Variants in TRIM35 observed in about 807,000 individuals in gnomAD.
The protein encoded by TRIM35 is tripartite motif containing 35.
Under a neutral mutation model 49.1 loss-of-function variants are expected in TRIM35, and 37 were observed. The ratio of observed to expected loss-of-function variants is 0.75; its 90% CI spans 0.58 to 0.99. TRIM35 has a LOEUF of 0.99. TRIM35 is among the 50% of genes least tolerant of loss of function. The probability of loss-of-function intolerance (pLI) is 0.00; values close to 1 mark genes in which losing one functional copy is unlikely to be tolerated. For missense variants in TRIM35, 648 were observed against 702.7 expected (o/e 0.92, Z 0.88); for synonymous variants, 302 against 289.3 (o/e 1.04, Z -0.45).
Position 27,286,858 on chromosome 8 carries a change from T to C in TRIM35, c.*692A>G, listed in dbSNP as rs574801244. On this transcript the variant is annotated 3_prime_UTR_variant, in exon 6 of 6. Coordinates refer to ENST00000305364, the MANE Select transcript of TRIM35 (RefSeq NM_171982.5). ...ATGGAAACCAACTAATCCGGAGCGATGGCGCCAGCTGCCTCCTTCACATGG... is the reference window on the plus strand; with the variant it reads ...ATGGAAACCAACTAATCCGGAGCGACGGCGCCAGCTGCCTCCTTCACATGG... 6.5e-6 allele frequency: 1 copy of C among 152,788 alleles called. No individual in the cohort carries two copies. Among genetic ancestry groups the C allele is most frequent in the Admixed American group, 6.5e-5 (1 of 15,326 alleles). 9.5% of individuals were successfully genotyped at this position (152,788 alleles called of 1,614,324 possible).
chr8:27,289,059 A>C (rs888669605), intron 5 of TRIM35, 103 bp downstream of exon 5: 3 of 831,654 alleles, frequency 3.6e-6, no homozygotes, highest in Non-Finnish European at 5.9e-6. Context: ...GGGAGCTCTG[A>C]GGAGGTGGGA....
At chr8:27,305,631 C>T (rs1178327263) in intron 1 of TRIM35, among the ~76,000 whole-genome samples, 3 of 152,142 alleles carry the variant, frequency 2.0e-5, no homozygotes, top group Non-Finnish European at 4.4e-5. Flanking sequence ...CAGATGGACT[C>T]TAAGATGTTG....
At chr8:27,300,123 A>G (rs1586051275) in intron 1 of TRIM35, among the ~76,000 whole-genome samples, 1 of 152,096 alleles carries the variant, frequency 6.6e-6, no homozygotes, top group Non-Finnish European at 1.5e-5. Flanking sequence ...GTGGCTTCTG[A>G]CCTACAGCCA....
At chr8:27,299,040 G>A (rs774046598) in intron 1 of TRIM35, among the ~76,000 whole-genome samples, 6 of 152,058 alleles carry the variant, frequency 3.9e-5, no homozygotes, top group Admixed American at 2.0e-4. Context: ...CATTTCCCAC[G>A]GGGTTCAGTT....
In TRIM35 at chr8:27,295,662, T is replaced by C. The variant is rs61092361; in HGVS notation, c.532-1352A>G. On this transcript the variant is annotated intron_variant, in intron 2 of 5. Transcript: ENST00000305364. ...TCATGTAATTTATTGAATACTGTAC[T>C]GAAGGGGAAAAACAGAATGGTTGTA... is the stretch of plus-strand genomic sequence containing the variant. Among the ~76,000 whole-genome samples the C allele has an allele frequency of 2.2e-3, 328 of 152,312 alleles. 1 individual carries two copies. The highest frequency in any genetic ancestry group is 7.6e-3 in the African/African-American group (317 of 41,568).
chr8:27,295,262 A>G (rs1802542006), intron 2 of TRIM35, among the ~76,000 whole-genome samples: 1 of 152,244 alleles, frequency 6.6e-6, no homozygotes, highest in Non-Finnish European at 1.5e-5. Flanking sequence ...AAAGAATGAG[A>G]TAACTGAATA....
Position 27,286,630 on chromosome 8 carries a change from C to G in TRIM35, c.*920G>C, listed in dbSNP as rs1018124409. On this transcript the variant is annotated 3_prime_UTR_variant, in exon 6 of 6. Transcript: ENST00000305364. ...CTGGAACCCTGTGTTCAGAGGAAAT[C>G]GTGCAAGAATAGATCAATCAGAGCT... 6.7e-5 allele frequency: 12 copies of G among 180,274 alleles called. No individual in the cohort carries two copies. Among genetic ancestry groups the G allele is most frequent in the African/African-American group, 2.9e-4 (12 of 41,930 alleles). The allele number at this position is 180,274 out of a possible 1,614,324, so 11.2% of individuals were successfully genotyped here. A position where few individuals can be genotyped will look rare whatever the true frequency, so the allele number is the denominator to read the frequency against.
At chr8:27,298,683 G>C in intron 1 of TRIM35, 124 bp from the exon 2 acceptor site, 1 of 769,696 alleles carries the variant, frequency 1.3e-6, no homozygotes, top group Non-Finnish European at 2.2e-6. Context: ...AACTGCATTT[G>C]CCTAACCCCA....
intron 1 of TRIM35, among the ~76,000 whole-genome samples, chr8:27,301,405 A>G (rs1802679948): frequency 6.6e-6 from 1 of 152,194 alleles, no homozygotes. Context: ...ATGTGTCTTC[A>G]CTTTACTGCG....
chr8:27,288,468 T>C (rs1003171588), intron 5 of TRIM35, among the ~76,000 whole-genome samples: 1 of 152,174 alleles, frequency 6.6e-6, no homozygotes, highest in South Asian at 2.1e-4. Context: ...GAGAATGCTG[T>C]GTGATGGCGG....
Position 27,286,151 on chromosome 8 carries a change from AT to A in TRIM35, c.*1398del, listed in dbSNP as rs1802313823. 1 of 456,300 alleles carries A rather than the reference AT, an allele frequency of 2.2e-6. No individual in the cohort carries two copies. The highest frequency in any genetic ancestry group is 4.4e-6 in the Non-Finnish European group (1 of 226,972). The allele number at this position is 456,300 out of a possible 1,614,324, so 28.3% of individuals were successfully genotyped here. ...TTAACACTGCTCCTAGGAAAAAAAA[AT>A]ATTTCCTTTTATGATGCCACTTCCT... On this transcript the variant is annotated 3_prime_UTR_variant, in exon 6 of 6. Transcript: ENST00000305364.
intron 1 of TRIM35, among the ~76,000 whole-genome samples, chr8:27,299,659 C>T (rs959966072): frequency 1.3e-5 from 2 of 152,124 alleles, no homozygotes; most frequent in African/African-American, 4.8e-5. Context: ...TGCTAAATGT[C>T]GGGGTGACTG....
chr8:27,310,834 C>A lies in TRIM35; in HGVS notation c.402G>T (p.Val134=), dbSNP rs1006239468. The A allele has an allele frequency of 6.2e-7, 1 of 1,607,250 alleles. No individual in the cohort carries two copies. Among genetic ancestry groups the A allele is most frequent in the Admixed American group, 1.7e-5 (1 of 59,710 alleles). ...QADPRHQGHR[V]QPVKDTAHDF... ...CGTGGGCAGTGTCCTTCACCGGCTG[C>A]ACGCGGTGCCCCTGGTGTCGGGGGT... Residue 134 remains valine (V), a synonymous_variant, in exon 1 of 6, where the codon GTG becomes GTT. Coordinates refer to ENST00000305364, the MANE Select transcript of TRIM35 (RefSeq NM_171982.5).
rs1802302751 is a variant in TRIM35, at chr8:27,285,694, C to A, written c.*1856G>T. 1 of 146,660 alleles carries A rather than the reference C, an allele frequency of 6.8e-6. No individual in the cohort carries two copies. Among genetic ancestry groups the A allele is most frequent in the African/African-American group, 2.5e-5 (1 of 39,874 alleles). 9.1% of individuals were successfully genotyped at this position (146,660 alleles called of 1,614,324 possible). A position where few individuals can be genotyped will look rare whatever the true frequency, so the allele number is the denominator to read the frequency against. Reference sequence around the variant, plus strand: ...AAAAAAAAAAAAAAAAAAAACTCTTCCCATATCTAAGGTGAAAATAAAAAA... The same window carrying A: ...AAAAAAAAAAAAAAAAAAAACTCTTACCATATCTAAGGTGAAAATAAAAAA... On this transcript the variant is annotated 3_prime_UTR_variant, in exon 6 of 6. Coordinates refer to ENST00000305364, the MANE Select transcript of TRIM35 (RefSeq NM_171982.5).
At chr8:27,304,561 G>A (rs1802744721) in intron 1 of TRIM35, among the ~76,000 whole-genome samples, 1 of 152,090 alleles carries the variant, frequency 6.6e-6, no homozygotes, top group Non-Finnish European at 1.5e-5. Context: ...CTTTCCTGAG[G>A]GCAGGTCTTA....
At position 27,284,922 on chromosome 8, in the gene TRIM35, T is replaced by C. The variant is rs1362120957; in HGVS notation, c.*2628A>G. On this transcript the variant is annotated 3_prime_UTR_variant, in exon 6 of 6. Transcript: ENST00000305364. ...AGCTTTAGTATTTCAAAGGACATCATCAAGGAAATGAAACAGCTCACGGAG... is the reference window on the plus strand; with the variant it reads ...AGCTTTAGTATTTCAAAGGACATCACCAAGGAAATGAAACAGCTCACGGAG... 2 of 152,130 alleles carry C rather than the reference T, an allele frequency of 1.3e-5. No individual in the cohort carries two copies. The highest frequency in any genetic ancestry group is 4.8e-5 in the African/African-American group (2 of 41,400). The allele number at this position is 152,130 out of a possible 1,614,324, so 9.4% of individuals were successfully genotyped here.
chr8:27,311,183 T>A lies in TRIM35; in HGVS notation c.53A>T (p.Glu18Val), dbSNP rs1185744151. 6.2e-7 allele frequency: 1 copy of A among 1,604,836 alleles called. No homozygotes were observed. Among genetic ancestry groups the A allele is most frequent in the Non-Finnish European group, 8.5e-7 (1 of 1,175,874 alleles). The change falls in exon 1 of 6, where the codon GAG becomes GTG. Residue 18 changes from glutamate (E) to valine (V), a missense_variant. Coordinates refer to ENST00000305364, the MANE Select transcript of TRIM35 (RefSeq NM_171982.5). ...GTCGTAGCAGACGGCGCAGAGCAAC[T>A]CCTCCTTGAAGGAGCGGGAAGGCCC... The part of the protein sequence containing the change: ...SPGPSRSFKE[E>V]LLCAVCYDPF...
intron 2 of TRIM35, 71 bp downstream of exon 2, chr8:27,298,391 GAC>G (rs1271130588): frequency 9.7e-6 from 14 of 1,447,180 alleles, no homozygotes; most frequent in Non-Finnish European, 1.2e-5. Context: ...AGCCACGGCT[GAC>G]ACATCTTCAC....
At chr8:27,289,391 T>G in intron 4 of TRIM35, 111 bp from the exon 5 acceptor site, 2 of 835,122 alleles carry the variant, frequency 2.4e-6, no homozygotes, top group Admixed American at 4.3e-5. Flanking sequence ...CAGGCCCAAG[T>G]TTCCTGGCCA....
Sources: allele counts gnomAD v4.1 joint callset (sites outside exome capture counted in the v4.1 genomes callset), GRCh38; gene constraint gnomAD v4.1.1; transcripts MANE v1.5; gene names NCBI Gene and HGNC (gene_info 2026-07-23, HGNC 2026-07-21).